PCNT: variants seen among roughly 807,000 people sequenced by gnomAD.
PCNT encodes kendrin.
Under a neutral mutation model 380.4 loss-of-function variants are expected in PCNT, and 319 were observed. The ratio of observed to expected loss-of-function variants is 0.84; its 90% CI spans 0.77 to 0.92. The LOEUF (loss-of-function observed/expected upper bound fraction) is 0.92. Ranked by LOEUF, PCNT falls within the 40% of genes least tolerant of loss-of-function variation. The probability of loss-of-function intolerance (pLI) is 0.00; values close to 1 mark genes in which losing one functional copy is unlikely to be tolerated. For synonymous variants in PCNT, 1,845 were observed against 1,735.2 expected, an observed-to-expected ratio of 1.06 and a Z score of -1.57; for missense variants, 4,400 against 4,255.3, an observed-to-expected ratio of 1.03 and a Z score of -0.95.
intron 1 of PCNT, 59 bp downstream of exon 1, chr21:46,324,341 G>T: frequency 7.1e-7 from 1 of 1,399,906 alleles, no homozygotes; most frequent in Non-Finnish European, 1.0e-6. Flanking sequence ...GGGCGGCTCC[G>T]GTGCCCGCCA....
At chr21:46,407,013 G>A (rs748475395) in intron 27 of PCNT, among the ~76,000 whole-genome samples, 2 of 152,172 alleles carry the variant, frequency 1.3e-5, no homozygotes, top group Non-Finnish European at 2.9e-5. Flanking sequence ...GGATGTTGGT[G>A]CATAATTGTC....
At chr21:46,380,746 T>C (rs1914807862) in intron 15 of PCNT, among the ~76,000 whole-genome samples, 1 of 152,198 alleles carries the variant, frequency 6.6e-6, no homozygotes, top group Non-Finnish European at 1.5e-5. Context: ...TTTCCACAGC[T>C]CTGAAAACAC....
In PCNT at chr21:46,425,913, A is replaced by G; in HGVS notation, c.7262A>G (p.His2421Arg). The G allele has an allele frequency of 6.2e-7, 1 of 1,613,974 alleles. No individual in the cohort carries two copies. The highest frequency in any genetic ancestry group is 8.5e-7 in the Non-Finnish European group (1 of 1,180,016). The change falls in exon 33 of 47, where the codon CAC becomes CGC. Residue 2421 changes from histidine (H) to arginine (R), a missense_variant. His to Arg is a conservative substitution (Grantham distance 29, BLOSUM62 0). Transcript: ENST00000359568. This position sits in a 1 kb window ranked among gnomAD's most constrained non-coding sequence, Gnocchi z 4.2. ...CTTGCACCCCCAAGCGGCGAGCCACACCCACCCCGGAAGGAAGACGAGATA... is the reference window on the plus strand; with the variant it reads ...CTTGCACCCCCAAGCGGCGAGCCACGCCCACCCCGGAAGGAAGACGAGATA... ...EGLAPPSGEP[H>R]PPRKEDEIQD...
At chr21:46,337,647 A>G (rs908829681) in intron 3 of PCNT, among the ~76,000 whole-genome samples, 3 of 152,120 alleles carry the variant, frequency 2.0e-5, no homozygotes, top group Non-Finnish European at 4.4e-5. Context: ...CAGTGGCGCG[A>G]TCTCGGCTCT....
intron 1 of PCNT, chr21:46,325,310 G>T: frequency 1.6e-6 from 1 of 620,740 alleles, no homozygotes; most frequent in Middle Eastern, 8.1e-4. Flanking sequence ...GGCCGGGGAA[G>T]GGCTGAGGCG....
At position 46,432,134 on chromosome 21, in the gene PCNT, TGC is replaced by T. The variant is rs2147988865; in HGVS notation, c.8672_8673del (p.Ala2891GlufsTer36). 1.9e-6 allele frequency: 3 copies of T among 1,613,962 alleles called. No individual in the cohort carries two copies. Among genetic ancestry groups the T allele is most frequent in the Non-Finnish European group, 2.5e-6 (3 of 1,180,016 alleles). On this transcript the variant is annotated frameshift_variant, in exon 38 of 47. Coordinates refer to ENST00000359568, the MANE Select transcript of PCNT (RefSeq NM_006031.6). LOFTEE classifies it high-confidence loss of function. ...RLKEQEGRKA[A>X]RRSAEARQSP... ...TGAAAGAGCAAGAAGGACGCAAGGC[TGC>T]GAGGAGGAGCGCGGAGGCCAGGCAG...
At position 46,416,803 on chromosome 21, in the gene PCNT, G is replaced by T; in HGVS notation, c.6885G>T (p.Pro2295=). ...AALALQWAES[P]PADDHHVQRT... is the part of the protein sequence containing the mutation. ...TGGCACTGCAGTGGGCCGAGTCTCC[G>T]CCGGCTGACGACCACCATGTGCAGA... is the stretch of plus-strand genomic sequence containing the variant. The change falls in exon 30 of 47, where the codon CCG becomes CCT. Residue 2295 remains proline, a synonymous_variant. Coordinates refer to ENST00000359568, the MANE Select transcript of PCNT (RefSeq NM_006031.6). The T allele has an allele frequency of 6.3e-7, 1 of 1,598,992 alleles. No homozygotes were observed. The highest frequency in any genetic ancestry group is 8.5e-7 in the Non-Finnish European group (1 of 1,179,380).
chr21:46,404,289 A>C (rs936688751), intron 27 of PCNT, among the ~76,000 whole-genome samples: 7 of 152,278 alleles, frequency 4.6e-5, no homozygotes, highest in African/African-American at 1.7e-4. Context: ...TTCCAATTTA[A>C]AACTGTAGGC....
intron 15 of PCNT, among the ~76,000 whole-genome samples, chr21:46,368,589 C>T (rs983963942): frequency 6.6e-6 from 1 of 152,254 alleles, no homozygotes; most frequent in Non-Finnish European, 1.5e-5. Flanking sequence ...GGAAAGGACA[C>T]GTGTTGTCGT....
intron 12 of PCNT, 78 bp downstream of exon 12, chr21:46,355,704 G>A: frequency 1.4e-6 from 2 of 1,477,062 alleles, no homozygotes; most frequent in African/African-American, 1.4e-5. Context: ...GGGTGCCTGG[G>A]TTCGATCCAA....
rs1285286310 is a variant in PCNT, at chr21:46,431,547, G to C, written c.8083G>C (p.Glu2695Gln). 1.6e-5 allele frequency: 26 copies of C among 1,613,908 alleles called. No homozygotes were observed. The Admixed American group carries it at 4.2e-4, about 26-fold the overall frequency. The change falls in exon 38 of 47, where the codon GAG becomes CAG. Residue 2695 changes from glutamate to glutamine, a missense_variant. Glu to Gln is a conservative substitution (Grantham distance 29). Coordinates refer to ENST00000359568, the MANE Select transcript of PCNT (RefSeq NM_006031.6). ...TGTCTAGGAGCTGCGGGCGTCTTTG[G>C]AGACACAGCGTGCTCAGAGCAGTCG... ...KALEELRASL[E>Q]TQRAQSSRLC...
Position 46,399,589 on chromosome 21 carries a change from GGTTGA to G in PCNT, c.4589_4593del (p.Glu1530ValfsTer11). 3 of 1,606,752 alleles carry G rather than the reference GGTTGA, an allele frequency of 1.9e-6. No individual in the cohort carries two copies. The highest frequency in any genetic ancestry group is 2.6e-6 in the Non-Finnish European group (3 of 1,173,468). On this transcript the variant is annotated frameshift_variant and splice_region_variant, in exon 25 of 47. Transcript: ENST00000359568. LOFTEE classifies it high-confidence loss of function. ...TCCTCAAGCATTTTTTGTTGTTTTA[GGTTGA>G]GTTGTTACAACAAAAGTTGAGAGAA...
At chr21:46,364,081 G>C (rs2084814258) in intron 14 of PCNT, 147 bp downstream of exon 14, 1 of 724,082 alleles carries the variant, frequency 1.4e-6, no homozygotes. Flanking sequence ...GGCGCTCTAG[G>C]TTTTCAGCCT....
Position 46,444,008 on chromosome 21 carries a change from G to A in PCNT, c.9839+60G>A, listed in dbSNP as rs548124151. The A allele has an allele frequency of 4.6e-5, 71 of 1,555,968 alleles. 1 individual carries two copies. In the East Asian group the frequency reaches 1.6e-3, roughly 35 times the overall value. On this transcript the variant is annotated intron_variant, in intron 45 of 46. Transcript: ENST00000359568. ...AGGGCTCTCCCTCCAGCCTACATAG[G>A]GCCTCAGAGAAATGCATTTTTAGTT...
chr21:46,426,702 C>A (rs948744324), intron 33 of PCNT, among the ~76,000 whole-genome samples: 1 of 152,210 alleles, frequency 6.6e-6, no homozygotes, highest in African/African-American at 2.4e-5. Flanking sequence ...TCTGTGCTGT[C>A]GACCCCGCAC....
At chr21:46,406,910 G>T (rs1046900339) in intron 27 of PCNT, among the ~76,000 whole-genome samples, 1 of 152,216 alleles carries the variant, frequency 6.6e-6, no homozygotes. Flanking sequence ...ACCATACCTG[G>T]TAGTGATGTA....
intron 13 of PCNT, among the ~76,000 whole-genome samples, chr21:46,361,473 G>A (rs527657066): frequency 3.9e-5 from 6 of 152,312 alleles, no homozygotes; most frequent in Admixed American, 1.3e-4. Context: ...ATGATGCTGC[G>A]TTGTGTAAAC....
intron 9 of PCNT, among the ~76,000 whole-genome samples, chr21:46,352,711 G>A (rs2084317885): frequency 6.6e-6 from 1 of 152,210 alleles, no homozygotes; most frequent in Non-Finnish European, 1.5e-5. Context: ...TGGGTTTTCT[G>A]TCCAGGGTCC....
intron 44 of PCNT, 122 bp downstream of exon 44, chr21:46,442,695 C>G (rs1045742754): frequency 1.1e-5 from 8 of 739,570 alleles, no homozygotes; most frequent in Non-Finnish European, 1.9e-5. Flanking sequence ...GTAAGAAAAT[C>G]CGTGAATTCC....
Sources: gnomAD v4.1 joint callset for allele counts (sites outside exome capture counted in the v4.1 genomes callset) on GRCh38, gnomAD v4.1.1 for gene constraint, Gnocchi (gnomAD v3.1) non-coding constraint, MANE v1.5 for transcripts, NCBI Gene and HGNC (gene_info 2026-07-23, HGNC 2026-07-21) for gene names.